The following PXDNL variants were observed in gnomAD, a reference collection of about 807,000 sequenced individuals.
PXDNL encodes the protein peroxidasin like.
A neutral mutation model predicts 150.8 loss-of-function variants in PXDNL; 145 were observed. The ratio of observed to expected loss-of-function variants is 0.96; its 90% CI spans 0.84 to 1.10. The LOEUF (loss-of-function observed/expected upper bound fraction) is 1.10. Among genes scored for constraint, PXDNL ranks in the 50% least tolerant of loss-of-function variants. The pLI, the probability that PXDNL is intolerant of heterozygous loss-of-function variation, is 0.00. For missense variants in PXDNL, 2,087 were observed against 1,873.9 expected (o/e 1.11, Z -2.10); for synonymous variants, 757 against 725.7 (o/e 1.04, Z -0.69).
intron 4 of PXDNL, among the ~76,000 whole-genome samples, chr8:51,527,183 A>G (rs1811787274): frequency 6.6e-6 from 1 of 152,206 alleles, no homozygotes; most frequent in Non-Finnish European, 1.5e-5. Context: ...CTGATCAGCC[A>G]GACACCTGAG....
At chr8:51,453,846 T>C (rs1563419114) in intron 9 of PXDNL, 61 bp from the exon 10 acceptor site, 1 of 1,553,698 alleles carries the variant, frequency 6.4e-7, no homozygotes, top group Admixed American at 1.8e-5. Flanking sequence ...GATTTATTTA[T>C]TCTGCATTGT....
chr8:51,532,713 G>A (rs1002906234), intron 4 of PXDNL, among the ~76,000 whole-genome samples: 1 of 152,136 alleles, frequency 6.6e-6, no homozygotes, highest in African/African-American at 2.4e-5. Context: ...TCTCCCCAAC[G>A]AGATATTAGC....
At chr8:51,771,682 A>T (rs1470269135) in intron 1 of PXDNL, among the ~76,000 whole-genome samples, 1 of 152,198 alleles carries the variant, frequency 6.6e-6, no homozygotes, top group East Asian at 1.9e-4. Context: ...GAGAACAATA[A>T]AAAAGAGACA....
intron 10 of PXDNL, among the ~76,000 whole-genome samples, chr8:51,452,366 TAGAGCAAGG>T (rs1809825605): frequency 6.6e-6 from 1 of 152,226 alleles, no homozygotes; most frequent in South Asian, 2.1e-4. Flanking sequence ...GCCTTCTTAT[TAGAGCAAGG>T]AAAGTATTTT....
At chr8:51,744,511 C>CAA (rs757648122) in intron 1 of PXDNL, among the ~76,000 whole-genome samples, 273 of 124,994 alleles carry the variant, frequency 2.2e-3, no homozygotes, top group African/African-American at 6.3e-3. Context: ...ACTAAAAATA[C>CAA]AAAAAAAAAA....
chr8:51,803,861 T>C (rs183300916), intron 1 of PXDNL, among the ~76,000 whole-genome samples: 1 of 152,230 alleles, frequency 6.6e-6, no homozygotes, highest in Non-Finnish European at 1.5e-5. Flanking sequence ...CTTTCAGAAC[T>C]GCATGTTTTG....
intron 2 of PXDNL, among the ~76,000 whole-genome samples, chr8:51,607,574 C>T (rs1253066195): frequency 6.6e-6 from 1 of 151,986 alleles, no homozygotes; most frequent in African/African-American, 2.4e-5. Flanking sequence ...GGCACAGTGG[C>T]TCATGCCTGT....
In PXDNL at chr8:51,735,546, T is replaced by TGG. The variant is rs1312360842; in HGVS notation, c.164+73634_164+73635insCC. 1.2e-3 allele frequency among the ~76,000 whole-genome samples: 156 copies of TGG among 126,790 alleles called. 12 individuals carry two copies. Among genetic ancestry groups the TGG allele is most frequent in the Non-Finnish European group, 2.3e-3 (139 of 60,596 alleles). 83.2% of individuals were successfully genotyped at this position (126,790 alleles called of 152,430 possible). A position where few individuals can be genotyped will look rare whatever the true frequency, so the allele number is the denominator to read the frequency against. On this transcript the variant is annotated intron_variant, in intron 1 of 22. Coordinates refer to ENST00000356297, the MANE Select transcript of PXDNL (RefSeq NM_144651.5). ...AAATTGTTTTTTTTTTTTTTTTTTT[T>TGG]TTTTTTTTTTTTTTTTTTGAGACGG... is the stretch of plus-strand genomic sequence containing the variant.
At chr8:51,652,462 A>AACAC (rs376242532) in intron 2 of PXDNL, among the ~76,000 whole-genome samples, 3 of 131,038 alleles carry the variant, frequency 2.3e-5, no homozygotes, top group East Asian at 2.1e-4. Flanking sequence ...CACACACACA[A>AACAC]ACACACACAC....
Position 51,511,483 on chromosome 8 carries a change from T to A in PXDNL, c.381-11713A>T, listed in dbSNP as rs1236721035. On this transcript the variant is annotated intron_variant, in intron 4 of 22. Transcript: ENST00000356297. Reference sequence around the variant, plus strand: ...TTTGTGAAACACTGGAATGGACAACTTGGTTGGTGCTGAGGTCAGCACGGG... The same window carrying A: ...TTTGTGAAACACTGGAATGGACAACATGGTTGGTGCTGAGGTCAGCACGGG... Among the ~76,000 whole-genome samples the A allele has an allele frequency of 2.6e-5, 4 of 152,182 alleles. No individual in the cohort carries two copies. The East Asian group carries it at 7.7e-4, about 29-fold the overall frequency.
chr8:51,372,106 A>G, intron 18 of PXDNL, 25 bp from the exon 19 acceptor site: 3 of 1,181,718 alleles, frequency 2.5e-6, no homozygotes, highest in Non-Finnish European at 2.5e-6. Flanking sequence ...AAAAAAAAAC[A>G]TTGTCGTGGG....
At chr8:51,549,387 C>T in intron 4 of PXDNL, among the ~76,000 whole-genome samples, 1 of 152,002 alleles carries the variant, frequency 6.6e-6, no homozygotes, top group East Asian at 1.9e-4. Context: ...ATATTTTTTT[C>T]ATCAGAACAT....
At chr8:51,768,260 T>G (rs908766099) in intron 1 of PXDNL, among the ~76,000 whole-genome samples, 4 of 122,496 alleles carry the variant, frequency 3.3e-5, no homozygotes, top group South Asian at 2.7e-4. Context: ...TTTATCAGTG[T>G]TTTTTTTTTT....
chr8:51,390,995 G>T (rs918545355), intron 17 of PXDNL, among the ~76,000 whole-genome samples: 1 of 152,028 alleles, frequency 6.6e-6, no homozygotes, highest in South Asian at 2.1e-4. Flanking sequence ...AACATGCGGT[G>T]TTTGGTTTTT....
intron 2 of PXDNL, among the ~76,000 whole-genome samples, chr8:51,652,532 T>C (rs1377890532): frequency 6.6e-6 from 1 of 151,928 alleles, no homozygotes; most frequent in Non-Finnish European, 1.5e-5. Context: ...CCATCTGTAT[T>C]CCAGGGAAGT....
rs1039249995 is a variant in PXDNL at position 51,388,873 on chromosome 8, A to T, written c.3558-14142T>A. 2.6e-5 allele frequency among the ~76,000 whole-genome samples: 4 copies of T among 152,230 alleles called. No homozygotes were observed. In the East Asian group the frequency reaches 5.8e-4, roughly 22 times the overall value. On this transcript the variant is annotated intron_variant, in intron 17 of 22. Transcript: ENST00000356297. ...TCACTAGCTACTGAGATCTTAATTT[A>T]AATTATATATATCATGTCTTGAAAT...
At chr8:51,794,182 T>C (rs1056449487) in intron 1 of PXDNL, among the ~76,000 whole-genome samples, 7 of 152,082 alleles carry the variant, frequency 4.6e-5, no homozygotes, top group Non-Finnish European at 7.4e-5. Context: ...ACGGAACCTA[T>C]GACCGATTGG....
intron 2 of PXDNL, among the ~76,000 whole-genome samples, chr8:51,622,345 C>A (rs1405156484): frequency 6.6e-6 from 1 of 152,104 alleles, no homozygotes; most frequent in Admixed American, 6.5e-5. Context: ...GACTTTGAGC[C>A]CACAGAACTG....
chr8:51,548,769 A>G (rs919274482), intron 4 of PXDNL, among the ~76,000 whole-genome samples: 3 of 151,620 alleles, frequency 2.0e-5, no homozygotes, highest in East Asian at 3.9e-4. Context: ...AACACAGTGG[A>G]AAAAAAACAA....
Sources: gnomAD v4.1 joint callset for allele counts (sites outside exome capture counted in the v4.1 genomes callset) on GRCh38, gnomAD v4.1.1 for gene constraint, MANE v1.5 for transcripts, NCBI Gene and HGNC (gene_info 2026-07-23, HGNC 2026-07-21) for gene names.